RYR3: variants seen among roughly 807,000 people sequenced by gnomAD.
The protein encoded by RYR3 is brain ryanodine receptor-calcium release channel.
A neutral mutation model predicts 584.3 loss-of-function variants in RYR3; 207 were observed. That is an observed-to-expected ratio of 0.35 (90% CI 0.32 to 0.40). The LOEUF is 0.40. Among genes scored for constraint, RYR3 ranks in the 10% least tolerant of loss-of-function variants. RYR3 has a pLI of 1.00. For missense variants in RYR3, 5,616 were observed against 6,089.2 expected, an observed-to-expected ratio of 0.92 and a Z score of 2.59; for synonymous variants, 2,416 against 2,248.5, an observed-to-expected ratio of 1.07 and a Z score of -2.11.
chr15:33,722,993 T>C (rs1439520101), intron 44 of RYR3, 98 bp downstream of exon 44: 3 of 1,100,710 alleles, frequency 2.7e-6, no homozygotes, highest in Non-Finnish European at 2.6e-6. Flanking sequence ...AGAAAGCACA[T>C]GTTCTTAACA....
chr15:33,408,201 T>G (rs928099313), intron 1 of RYR3, among the ~76,000 whole-genome samples: 7 of 152,184 alleles, frequency 4.6e-5, no homozygotes, highest in African/African-American at 1.7e-4. Flanking sequence ...TGTGGGCATC[T>G]TTATGTCCAT....
At chr15:33,336,389 G>A (rs1226639490) in intron 1 of RYR3, among the ~76,000 whole-genome samples, 1 of 148,940 alleles carries the variant, frequency 6.7e-6, no homozygotes, top group Non-Finnish European at 1.5e-5. Context: ...TGGTGCCACT[G>A]CACTCCAGCC....
rs552152891 is a variant in RYR3 at position 33,669,271 on chromosome 15, G to A, written c.5620-83G>A. On this transcript the variant is annotated intron_variant, in intron 36 of 103. Transcript: ENST00000634891. ...TAAGTAAAATAAATTTGAAAAGAAT[G>A]TAAGTGTCTGTCTAAGGCAGGATCT... is the stretch of plus-strand genomic sequence containing the variant. 1.0e-5 allele frequency: 10 copies of A among 970,474 alleles called. No homozygotes were observed. The African/African-American group carries it at 1.2e-4, about 11-fold the overall frequency. The allele number at this position is 970,474 out of a possible 1,614,324, so 60.1% of individuals were successfully genotyped here.
At chr15:33,560,373 C>G (rs1397455921) in intron 10 of RYR3, among the ~76,000 whole-genome samples, 1 of 152,014 alleles carries the variant, frequency 6.6e-6, no homozygotes, top group Admixed American at 6.6e-5. Flanking sequence ...TTTGTAAAAA[C>G]AAAGACACAG....
chr15:33,492,080 A>G (rs1049505053), intron 2 of RYR3, among the ~76,000 whole-genome samples: 1 of 152,224 alleles, frequency 6.6e-6, no homozygotes, highest in African/African-American at 2.4e-5. Flanking sequence ...TCAAAAACTG[A>G]TAAGTGAACA....
chr15:33,755,135 A>G lies in RYR3; in HGVS notation c.8470A>G (p.Ile2824Val), dbSNP rs1355647414. ...GTTTGCCTATAAGTTCTTGAAGAAG[A>G]TCCTGAAATACGTTGATTCTGCTCA... ...KRFAYKFLKKILKYVDSAQEF... is the reference protein window; with the variant it reads ...KRFAYKFLKKVLKYVDSAQEF... The change falls in exon 58 of 104, where the codon ATC (isoleucine) becomes GTC (valine). Residue 2824 changes from isoleucine (I) to valine (V), a missense_variant. Physicochemically the swap from Ile to Val is conservative, Grantham distance 29. Coordinates refer to ENST00000634891, the MANE Select transcript of RYR3 (RefSeq NM_001036.6). The G allele has an allele frequency of 1.9e-6, 3 of 1,612,978 alleles. No homozygotes were observed. In the African/African-American group the frequency reaches 4.0e-5, roughly 22 times the overall value.
intron 1 of RYR3, among the ~76,000 whole-genome samples, chr15:33,439,306 A>G (rs2046014557): frequency 6.6e-6 from 1 of 152,210 alleles, no homozygotes; most frequent in Non-Finnish European, 1.5e-5. Flanking sequence ...AATGTCGAAT[A>G]GAACCAACAA....
intron 1 of RYR3, among the ~76,000 whole-genome samples, chr15:33,438,490 G>A (rs2045929526): frequency 1.3e-5 from 2 of 151,958 alleles, no homozygotes; most frequent in South Asian, 2.1e-4. Flanking sequence ...GGTGTGGAAA[G>A]GCCACCGAGT....
chr15:33,316,686 A>C (rs1968218945), intron 1 of RYR3, among the ~76,000 whole-genome samples: 1 of 152,210 alleles, frequency 6.6e-6, no homozygotes, highest in Non-Finnish European at 1.5e-5. Context: ...AAGTGTTGAG[A>C]GAGGCAATAG....
At chr15:33,537,040 A>C (rs2055391246) in intron 5 of RYR3, among the ~76,000 whole-genome samples, 1 of 152,206 alleles carries the variant, frequency 6.6e-6, no homozygotes, top group Admixed American at 6.5e-5. Flanking sequence ...AATCAATATT[A>C]ACTACTTTCA....
intron 34 of RYR3, among the ~76,000 whole-genome samples, chr15:33,660,983 A>G (rs978191083): frequency 2.0e-5 from 3 of 152,248 alleles, no homozygotes; most frequent in Non-Finnish European, 4.4e-5. Flanking sequence ...GTTTCTGTAC[A>G]TAGTAAGAAA....
At chr15:33,402,952 G>A (rs774883670) in intron 1 of RYR3, among the ~76,000 whole-genome samples, 20 of 152,230 alleles carry the variant, frequency 1.3e-4, no homozygotes, top group Non-Finnish European at 2.4e-4. Context: ...GCCTCACTGC[G>A]TCAGCCACAA....
rs1055081220 is a variant in RYR3, at chr15:33,749,961, C to T, written c.8200-18C>T. ...TGCTTTCTTTCTTTTTGACTTGGCT[C>T]TTCTTGGTGGGACACAGGGAATGGT... is the stretch of plus-strand genomic sequence containing the variant. On this transcript the variant is annotated intron_variant, in intron 55 of 103. Transcript: ENST00000634891. The T allele has an allele frequency of 1.2e-6, 2 of 1,608,626 alleles. No homozygotes were observed. Among genetic ancestry groups the T allele is most frequent in the Non-Finnish European group, 1.7e-6 (2 of 1,177,954 alleles).
intron 43 of RYR3, among the ~76,000 whole-genome samples, chr15:33,716,792 T>G (rs2067524729): frequency 6.6e-6 from 1 of 152,280 alleles, no homozygotes; most frequent in South Asian, 2.1e-4. Context: ...TATACGTATG[T>G]GGATTTCATC....
intron 102 of RYR3, among the ~76,000 whole-genome samples, chr15:33,863,701 T>A (rs987545105): frequency 6.6e-6 from 1 of 152,178 alleles, no homozygotes; most frequent in Non-Finnish European, 1.5e-5. Context: ...ATTAAATACT[T>A]TCTAACTTTT....
intron 36 of RYR3, among the ~76,000 whole-genome samples, chr15:33,664,196 C>T (rs770443013): frequency 2.0e-5 from 3 of 152,088 alleles, no homozygotes; most frequent in Admixed American, 6.5e-5. Context: ...ACCCCCTTGC[C>T]GGTGGCACGA....
intron 14 of RYR3, 148 bp downstream of exon 14, chr15:33,581,791 AC>A: frequency 1.4e-6 from 1 of 699,766 alleles, no homozygotes; most frequent in African/African-American, 1.8e-5. Flanking sequence ...TTCAATTTTA[AC>A]CCAGCTGTTC....
Position 33,699,429 on chromosome 15 carries a change from C to T in RYR3, c.6250-275C>T, listed in dbSNP as rs79942571. On this transcript the variant is annotated intron_variant, in intron 40 of 103. Transcript: ENST00000634891. The stretch of plus-strand genomic sequence containing the variant: ...TCTGTCTCTGAATTCTGTCCACTCC[C>T]TTCCTACTTGGAAACAATAGCCTGG... Among the ~76,000 whole-genome samples, 623 of 152,114 alleles carry T rather than the reference C, an allele frequency of 4.1e-3. 4 individuals are homozygous for T. Among genetic ancestry groups the T allele is most frequent in the Middle Eastern group, 0.041 (12 of 294 alleles).
At chr15:33,792,705 G>T (rs1452551320) in intron 67 of RYR3, among the ~76,000 whole-genome samples, 1 of 152,186 alleles carries the variant, frequency 6.6e-6, no homozygotes, top group South Asian at 2.1e-4. Flanking sequence ...AAATGTGAAG[G>T]CTTGTGGGAA....
Sources: allele counts gnomAD v4.1 joint callset (sites outside exome capture counted in the v4.1 genomes callset), GRCh38; gene constraint gnomAD v4.1.1; transcripts MANE v1.5; gene names NCBI Gene and HGNC (gene_info 2026-07-23, HGNC 2026-07-21).